NKAIN2: variants seen among roughly 807,000 people sequenced by gnomAD.
The protein encoded by NKAIN2 is sodium/potassium-transporting ATPase subunit beta-1-interacting protein 2.
NKAIN2 carries 14 observed loss-of-function variants against 32.6 expected under a neutral mutation model. The ratio of observed to expected loss-of-function variants is 0.43; its 90% CI spans 0.28 to 0.67. The LOEUF (loss-of-function observed/expected upper bound fraction) is 0.67, where lower values mean the gene tolerates loss of function less well. Ranked by LOEUF, NKAIN2 falls within the 30% of genes least tolerant of loss-of-function variation. The pLI, the probability that NKAIN2 is intolerant of heterozygous loss-of-function variation, is 0.17. For synonymous variants in NKAIN2, 80 were observed against 87.2 expected, an observed-to-expected ratio of 0.92 and a Z score of 0.46; for missense variants, 198 against 258.3, an observed-to-expected ratio of 0.77 and a Z score of 1.60.
At chr6:124,151,423 T>C (rs777991538) in intron 1 of NKAIN2, among the ~76,000 whole-genome samples, 22 of 152,190 alleles carry the variant, frequency 1.4e-4, no homozygotes, top group Middle Eastern at 3.4e-3. Context: ...ATATGGACTC[T>C]TGGATGCATA....
intron 3 of NKAIN2, among the ~76,000 whole-genome samples, chr6:124,493,706 AC>A (rs145974986): frequency 2.0e-5 from 2 of 98,248 alleles, no homozygotes; most frequent in African/African-American, 9.2e-5. Context: ...CTGCACACCA[AC>A]CCCCCCCTCC....
intron 1 of NKAIN2, among the ~76,000 whole-genome samples, chr6:123,941,333 T>G (rs971285282): frequency 1.3e-5 from 2 of 151,948 alleles, no homozygotes; most frequent in African/African-American, 4.8e-5. Flanking sequence ...TATATTATAA[T>G]AATTAGGTAA....
At chr6:123,862,996 T>C (rs1039988067) in intron 1 of NKAIN2, among the ~76,000 whole-genome samples, 3 of 152,190 alleles carry the variant, frequency 2.0e-5, no homozygotes, top group African/African-American at 7.2e-5. Flanking sequence ...AATAGCTGCA[T>C]CTCAAAGAGC....
At chr6:124,524,445 GTTATT>G (rs1484097318) in intron 3 of NKAIN2, among the ~76,000 whole-genome samples, 1 of 151,918 alleles carries the variant, frequency 6.6e-6, no homozygotes, top group East Asian at 1.9e-4. Flanking sequence ...AAACTTTATT[GTTATT>G]TTAACAAAAA....
intron 1 of NKAIN2, among the ~76,000 whole-genome samples, chr6:123,869,701 A>T (rs1417598085): frequency 1.3e-5 from 2 of 152,180 alleles, no homozygotes; most frequent in Non-Finnish European, 2.9e-5. Flanking sequence ...TATTTAGTTT[A>T]CTTAAATGAA....
chr6:124,540,707 A>C (rs1164756572), intron 3 of NKAIN2, among the ~76,000 whole-genome samples: 1 of 152,238 alleles, frequency 6.6e-6, no homozygotes, highest in East Asian at 1.9e-4. Flanking sequence ...ATGGTGAGAA[A>C]GTATGGTTTC....
At chr6:124,521,390 GAGA>G (rs1315564953) in intron 3 of NKAIN2, among the ~76,000 whole-genome samples, 4 of 152,124 alleles carry the variant, frequency 2.6e-5, no homozygotes, top group African/African-American at 7.2e-5. Context: ...AACACTAATT[GAGA>G]AGATCATATG....
intron 1 of NKAIN2, among the ~76,000 whole-genome samples, chr6:124,203,931 C>T (rs756219020): frequency 2.6e-5 from 4 of 151,756 alleles, no homozygotes; most frequent in African/African-American, 9.7e-5. Flanking sequence ...TAAATGATTT[C>T]GCAGAAGGAT....
At chr6:124,643,027 C>G (rs951162674) in intron 3 of NKAIN2, among the ~76,000 whole-genome samples, 12 of 152,118 alleles carry the variant, frequency 7.9e-5, no homozygotes, top group Admixed American at 3.3e-4. Flanking sequence ...TTACCAACTT[C>G]CTCATGACTA....
intron 3 of NKAIN2, among the ~76,000 whole-genome samples, chr6:124,537,084 T>C (rs2114835804): frequency 1.3e-5 from 2 of 152,314 alleles, no homozygotes; most frequent in Middle Eastern, 3.4e-3. Flanking sequence ...AAAAAGCCAG[T>C]AGGTGTCCAC....
At chr6:124,666,576 C>G (rs1772807587) in intron 4 of NKAIN2, among the ~76,000 whole-genome samples, 1 of 152,008 alleles carries the variant, frequency 6.6e-6, no homozygotes, top group African/African-American at 2.4e-5. Flanking sequence ...AGTGTAACAC[C>G]TTGATTGTAA....
chr6:124,531,390 C>T (rs552691871), intron 3 of NKAIN2, among the ~76,000 whole-genome samples: 3 of 152,250 alleles, frequency 2.0e-5, no homozygotes, highest in African/African-American at 7.2e-5. Context: ...GGGGTGGATG[C>T]AAATCATACT....
chr6:124,031,130 A>G (rs1430163768), intron 1 of NKAIN2, among the ~76,000 whole-genome samples: 1 of 152,188 alleles, frequency 6.6e-6, no homozygotes, highest in Non-Finnish European at 1.5e-5. Context: ...CTAAATATTT[A>G]GTATGCTAAA....
intron 3 of NKAIN2, among the ~76,000 whole-genome samples, chr6:124,395,682 T>C (rs1773347422): frequency 6.6e-6 from 1 of 152,170 alleles, no homozygotes; most frequent in Non-Finnish European, 1.5e-5. Flanking sequence ...CCATTTCACT[T>C]TTAGGTAAAG....
intron 3 of NKAIN2, among the ~76,000 whole-genome samples, chr6:124,582,315 G>A (rs983194777): frequency 1.3e-5 from 2 of 151,992 alleles, no homozygotes; most frequent in African/African-American, 4.8e-5. Context: ...CTTTTTATAT[G>A]AGCAACTGTA....
intron 1 of NKAIN2, among the ~76,000 whole-genome samples, chr6:123,989,630 T>G (rs1454359324): frequency 1.3e-5 from 2 of 152,212 alleles, no homozygotes; most frequent in Non-Finnish European, 2.9e-5. Flanking sequence ...TTTAAGTTTT[T>G]GCTTTGATAA....
intron 1 of NKAIN2, among the ~76,000 whole-genome samples, chr6:124,136,928 TATTC>T (rs1786823631): frequency 6.6e-6 from 1 of 152,032 alleles, no homozygotes; most frequent in African/African-American, 2.4e-5. Context: ...AAATTGAAAG[TATTC>T]CCCCCTGAGA....
chr6:124,608,495 C>T (rs1782576841), intron 3 of NKAIN2, among the ~76,000 whole-genome samples: 6 of 152,268 alleles, frequency 3.9e-5, no homozygotes, highest in Admixed American at 3.3e-4. Flanking sequence ...GATCAGGCTA[C>T]ATGGTCATGA....
At chr6:124,746,620 A>G (rs1583782995) in intron 4 of NKAIN2, among the ~76,000 whole-genome samples, 1 of 151,960 alleles carries the variant, frequency 6.6e-6, no homozygotes, top group East Asian at 1.9e-4. Flanking sequence ...ACAGTAAAAC[A>G]TCATCAAGAA....
Sources: gnomAD v4.1 joint callset for allele counts (sites outside exome capture counted in the v4.1 genomes callset) on GRCh38, gnomAD v4.1.1 for gene constraint, MANE v1.5 for transcripts, NCBI Gene and HGNC (gene_info 2026-07-23, HGNC 2026-07-21) for gene names.